Variants in CNTN5 observed in about 807,000 individuals in gnomAD.
The protein encoded by CNTN5 is contactin 5, also known as contactin-5.
CNTN5 carries 77 observed loss-of-function variants against 129.1 expected under a neutral mutation model. The ratio of observed to expected loss-of-function variants is 0.60; its 90% CI spans 0.50 to 0.72. CNTN5 has a LOEUF of 0.72. CNTN5 is among the 30% of genes least tolerant of loss of function. The probability of loss-of-function intolerance (pLI) is 0.00; values close to 1 mark genes in which losing one functional copy is unlikely to be tolerated. For synonymous variants in CNTN5, 509 were observed against 465.6 expected, an observed-to-expected ratio of 1.09 and a Z score of -1.20; for missense variants, 1,478 against 1,328.8, an observed-to-expected ratio of 1.11 and a Z score of -1.75.
rs538976488 is a variant in CNTN5 at position 100,109,716 on chromosome 11, C to T, written c.1580+35422C>T. ...GGGCACAAAAGTATTATGCACTTAA[C>T]GATTATGCCGATAATTGTTAAGGGC... On this transcript the variant is annotated intron_variant, in intron 13 of 24. Transcript: ENST00000524871. 5.3e-5 allele frequency among the ~76,000 whole-genome samples: 8 copies of T among 152,224 alleles called. No homozygotes were observed. In the South Asian group the frequency reaches 8.3e-4, roughly 16 times the overall value.
intron 3 of CNTN5, among the ~76,000 whole-genome samples, chr11:99,586,806 C>G (rs574304272): frequency 9.2e-5 from 14 of 152,104 alleles, no homozygotes; most frequent in Non-Finnish European, 7.4e-5. Flanking sequence ...AAGGGCCACT[C>G]ATCTAATAAA....
At chr11:99,464,786 A>C (rs1349586569) in intron 2 of CNTN5, among the ~76,000 whole-genome samples, 1 of 152,214 alleles carries the variant, frequency 6.6e-6, no homozygotes, top group East Asian at 1.9e-4. Context: ...ACCTATAGGA[A>C]ATATGTTATA....
chr11:99,817,477 T>G (rs1340749831), intron 3 of CNTN5, among the ~76,000 whole-genome samples: 1 of 152,184 alleles, frequency 6.6e-6, no homozygotes, highest in Middle Eastern at 3.2e-3. Flanking sequence ...CTGGCCTTTT[T>G]AAACCTTACT....
chr11:99,529,890 G>A (rs372333569), intron 2 of CNTN5, among the ~76,000 whole-genome samples: 2 of 152,140 alleles, frequency 1.3e-5, no homozygotes, highest in South Asian at 2.1e-4. Flanking sequence ...ATTAGAAAAT[G>A]TTAAACAAAT....
intron 3 of CNTN5, among the ~76,000 whole-genome samples, chr11:99,706,521 T>G (rs1455049108): frequency 1.3e-5 from 2 of 151,472 alleles, no homozygotes; most frequent in African/African-American, 2.4e-5. Context: ...AGACATTAAC[T>G]AAGTCACTCT....
At chr11:99,890,461 A>G (rs1949028465) in intron 6 of CNTN5, among the ~76,000 whole-genome samples, 1 of 152,078 alleles carries the variant, frequency 6.6e-6, no homozygotes, top group African/African-American at 2.4e-5. Context: ...TATAAGATAT[A>G]TTCAATGTTG....
At chr11:99,276,379 A>G (rs1274529694) in intron 1 of CNTN5, among the ~76,000 whole-genome samples, 1 of 151,728 alleles carries the variant, frequency 6.6e-6, no homozygotes, top group African/African-American at 2.4e-5. Context: ...TTTAATAATT[A>G]AATAATCAAT....
chr11:99,189,370 C>G (rs1243811062), intron 1 of CNTN5, among the ~76,000 whole-genome samples: 1 of 151,520 alleles, frequency 6.6e-6, no homozygotes, highest in Non-Finnish European at 1.5e-5. Context: ...GAAGATATGT[C>G]TTCAACATAA....
rs528242866 is a variant in CNTN5 at position 100,080,248 on chromosome 11, C to A, written c.1580+5954C>A. On this transcript the variant is annotated intron_variant, in intron 13 of 24. Coordinates refer to ENST00000524871, the MANE Select transcript of CNTN5 (RefSeq NM_014361.4). ...TAATTCAAACTGGTGCTTAAGAAATCCTGCATACAAAAAAAATAAAATTAT... is the reference window on the plus strand; with the variant it reads ...TAATTCAAACTGGTGCTTAAGAAATACTGCATACAAAAAAAATAAAATTAT... 2.0e-5 allele frequency among the ~76,000 whole-genome samples: 3 copies of A among 152,072 alleles called. No homozygotes were observed. The South Asian group carries it at 6.2e-4, about 32-fold the overall frequency.
intron 16 of CNTN5, among the ~76,000 whole-genome samples, chr11:100,237,667 A>G (rs1489177006): frequency 6.6e-6 from 1 of 152,190 alleles, no homozygotes; most frequent in Admixed American, 6.5e-5. Flanking sequence ...ACTGAACACC[A>G]GATGATTCTT....
intron 3 of CNTN5, among the ~76,000 whole-genome samples, chr11:99,702,373 C>G (rs1157703755): frequency 6.6e-6 from 1 of 150,850 alleles, no homozygotes; most frequent in African/African-American, 2.4e-5. Context: ...AGCTCACTTT[C>G]CCATTTTCAA....
At chr11:100,295,926 T>G (rs1007740089) in intron 18 of CNTN5, among the ~76,000 whole-genome samples, 1 of 151,530 alleles carries the variant, frequency 6.6e-6, no homozygotes, top group Non-Finnish European at 1.5e-5. Flanking sequence ...TGTATGTATG[T>G]GTGTGTATAT....
intron 3 of CNTN5, among the ~76,000 whole-genome samples, chr11:99,601,611 C>G (rs1231751818): frequency 6.6e-6 from 1 of 152,200 alleles, no homozygotes; most frequent in Admixed American, 6.5e-5. Flanking sequence ...ACAAAGCAAA[C>G]TTTACTAAAC....
intron 7 of CNTN5, among the ~76,000 whole-genome samples, chr11:99,952,619 ACTCCTGGC>A (rs1950704291): frequency 6.6e-6 from 1 of 151,910 alleles, no homozygotes; most frequent in Non-Finnish European, 1.5e-5. Context: ...GCAACTTTGA[ACTCCTGGC>A]CTCAAGCTAC....
intron 1 of CNTN5, among the ~76,000 whole-genome samples, chr11:99,229,372 G>A (rs952590115): frequency 6.6e-6 from 1 of 151,930 alleles, no homozygotes; most frequent in African/African-American, 2.4e-5. Context: ...CTATACAGGT[G>A]TTTTGTATAT....
chr11:99,248,681 A>G (rs1280857019), intron 1 of CNTN5, among the ~76,000 whole-genome samples: 1 of 152,110 alleles, frequency 6.6e-6, no homozygotes, highest in East Asian at 1.9e-4. Context: ...CTTTTTACAT[A>G]TGGCTAGCCA....
At chr11:100,044,134 A>G (rs1300905824) in intron 9 of CNTN5, among the ~76,000 whole-genome samples, 2 of 140,650 alleles carry the variant, frequency 1.4e-5, no homozygotes, top group African/African-American at 5.4e-5. Flanking sequence ...ACTTACATGT[A>G]CATGTGTATG....
At chr11:99,631,510 G>A (rs895162354) in intron 3 of CNTN5, among the ~76,000 whole-genome samples, 1 of 146,426 alleles carries the variant, frequency 6.8e-6, no homozygotes, top group African/African-American at 2.8e-5. Flanking sequence ...AAACCAAACT[G>A]TTTATTATAG....
chr11:99,234,240 G>T (rs1022778721), intron 1 of CNTN5, among the ~76,000 whole-genome samples: 5 of 152,104 alleles, frequency 3.3e-5, no homozygotes, highest in Admixed American at 1.3e-4. Flanking sequence ...AGTTATCAGA[G>T]GCTGGGAAGA....
Sources: gnomAD v4.1 joint callset for allele counts (sites outside exome capture counted in the v4.1 genomes callset) on GRCh38, gnomAD v4.1.1 for gene constraint, MANE v1.5 for transcripts, NCBI Gene and HGNC (gene_info 2026-07-23, HGNC 2026-07-21) for gene names.